KIAA2012: variants seen among roughly 807,000 people sequenced by gnomAD.
KIAA2012 encodes uncharacterized protein KIAA2012.
Under a neutral mutation model 150.6 loss-of-function variants are expected in KIAA2012, and 125 were observed. The ratio of observed to expected loss-of-function variants is 0.83; its 90% CI spans 0.72 to 0.96. The LOEUF is 0.96. Among genes scored for constraint, KIAA2012 ranks in the 40% least tolerant of loss-of-function variants. The pLI is 0.00. For synonymous variants in KIAA2012, 462 were observed against 504.7 expected, an observed-to-expected ratio of 0.92 and a Z score of 1.13; for missense variants, 1,219 against 1,354.9, an observed-to-expected ratio of 0.90 and a Z score of 1.57.
chr2:202,136,007 A>AT (rs34854434), intron 12 of KIAA2012: 1,085 of 308,630 alleles, frequency 3.5e-3, no homozygotes, highest in South Asian at 7.2e-3. Context: ...AAAAAAAAAA[A>AT]TTTTTTTTGA....
intron 14 of KIAA2012, among the ~76,000 whole-genome samples, chr2:202,158,725 C>T (rs760703718): frequency 2.0e-5 from 3 of 152,050 alleles, no homozygotes; most frequent in Admixed American, 6.5e-5. Context: ...TTTTTAAAAA[C>T]TCAATTTGTG....
chr2:202,082,457 C>T (rs991349299), intron 2 of KIAA2012, among the ~76,000 whole-genome samples: 17 of 152,134 alleles, frequency 1.1e-4, no homozygotes, highest in African/African-American at 3.9e-4. Flanking sequence ...CCTTTTCACT[C>T]GGTTGATAGT....
intron 14 of KIAA2012, among the ~76,000 whole-genome samples, chr2:202,155,963 C>T (rs1315109797): frequency 1.3e-5 from 2 of 152,180 alleles, no homozygotes; most frequent in African/African-American, 2.4e-5. Flanking sequence ...GGTCACTTAT[C>T]CATACCCAAA....
At chr2:202,189,377 C>T (rs1475163841) in intron 18 of KIAA2012, among the ~76,000 whole-genome samples, 7 of 151,740 alleles carry the variant, frequency 4.6e-5, no homozygotes, top group African/African-American at 1.5e-4. Context: ...CTGCAACCTC[C>T]GCCTCCTGGG....
At chr2:202,128,015 G>A (rs1338086546) in intron 12 of KIAA2012, among the ~76,000 whole-genome samples, 1 of 151,810 alleles carries the variant, frequency 6.6e-6, no homozygotes, top group Non-Finnish European at 1.5e-5. Context: ...GTTATCCCCT[G>A]ACTTTTACCC....
intron 14 of KIAA2012, among the ~76,000 whole-genome samples, chr2:202,156,906 T>G (rs1170931619): frequency 6.6e-6 from 1 of 152,058 alleles, no homozygotes; most frequent in Non-Finnish European, 1.5e-5. Flanking sequence ...ATGGAGCATC[T>G]AAGAACGCAG....
intron 13 of KIAA2012, among the ~76,000 whole-genome samples, chr2:202,150,039 C>T (rs1266336443): frequency 6.6e-6 from 1 of 152,194 alleles, no homozygotes; most frequent in Non-Finnish European, 1.5e-5. Flanking sequence ...ATAGCTCTCC[C>T]TTTTTTCTGT....
intron 1 of KIAA2012, among the ~76,000 whole-genome samples, chr2:202,074,533 A>G (rs1166400164): frequency 1.3e-5 from 2 of 152,218 alleles, no homozygotes; most frequent in East Asian, 3.8e-4. Context: ...ACTGCCAGCT[A>G]GTCCAGGTCT....
intron 11 of KIAA2012, chr2:202,114,236 TGA>T (rs1451870134): frequency 2.0e-5 from 3 of 153,472 alleles, no homozygotes; most frequent in Non-Finnish European, 4.4e-5. Context: ...TCCACCAAAA[TGA>T]GAGGATTGAT....
At chr2:202,116,183 T>C (rs1197884436) in intron 11 of KIAA2012, 1 of 152,250 alleles carries the variant, frequency 6.6e-6, no homozygotes, top group Admixed American at 6.5e-5. Flanking sequence ...AGGATGTTTA[T>C]GCCAATGATT....
intron 2 of KIAA2012, among the ~76,000 whole-genome samples, chr2:202,090,384 T>C (rs951839928): frequency 1.4e-4 from 22 of 152,362 alleles, no homozygotes; most frequent in Admixed American, 9.8e-4. Flanking sequence ...ATTACAAACA[T>C]TGAATGCCAA....
chr2:202,197,442 A>C (rs1214946519), intron 22 of KIAA2012: 1 of 183,474 alleles, frequency 5.5e-6, no homozygotes, highest in East Asian at 1.3e-4. Context: ...GGAATTCAGG[A>C]GTAAGCAAGA....
At chr2:202,184,457 C>T (rs1039379724) in intron 15 of KIAA2012, among the ~76,000 whole-genome samples, 1 of 151,672 alleles carries the variant, frequency 6.6e-6, no homozygotes, top group African/African-American at 2.4e-5. Context: ...TGAATTCTTT[C>T]CTTATGATAA....
intron 10 of KIAA2012, among the ~76,000 whole-genome samples, chr2:202,111,615 TG>T (rs1690359372): frequency 6.7e-6 from 1 of 150,334 alleles, no homozygotes; most frequent in African/African-American, 2.5e-5. Context: ...TGTGCATGTG[TG>T]TAAGTGAATG....
chr2:202,141,459 C>G (rs1691195969), intron 13 of KIAA2012, among the ~76,000 whole-genome samples: 1 of 152,104 alleles, frequency 6.6e-6, no homozygotes, highest in Non-Finnish European at 1.5e-5. Flanking sequence ...AAGGAGACAA[C>G]CAGACATGTT....
At chr2:202,084,141 G>A (rs1422879337) in intron 2 of KIAA2012, among the ~76,000 whole-genome samples, 1 of 152,060 alleles carries the variant, frequency 6.6e-6, no homozygotes, top group Admixed American at 6.5e-5. Context: ...CTGGGATTTG[G>A]GGGTTTCTCT....
intron 13 of KIAA2012, among the ~76,000 whole-genome samples, chr2:202,153,756 C>T (rs1691472906): frequency 6.6e-6 from 1 of 152,184 alleles, no homozygotes; most frequent in Non-Finnish European, 1.5e-5. Flanking sequence ...AGACTTTCAT[C>T]CCTTTGGGCA....
intron 14 of KIAA2012, among the ~76,000 whole-genome samples, chr2:202,156,555 C>T (rs1469452382): frequency 2.0e-5 from 3 of 152,146 alleles, no homozygotes; most frequent in Non-Finnish European, 4.4e-5. Flanking sequence ...AGACCTAATA[C>T]ACAAGCAGAG....
At chr2:202,174,937 C>T (rs1691961454) in intron 15 of KIAA2012, among the ~76,000 whole-genome samples, 1 of 152,042 alleles carries the variant, frequency 6.6e-6, no homozygotes, top group Non-Finnish European at 1.5e-5. Flanking sequence ...TTATTACACC[C>T]AAAATTTAAA....
Sources: allele counts gnomAD v4.1 joint callset (sites outside exome capture counted in the v4.1 genomes callset), GRCh38; gene constraint gnomAD v4.1.1; transcripts MANE v1.5; gene names NCBI Gene and HGNC (gene_info 2026-07-23, HGNC 2026-07-21).